The following GABRB3 variants were observed in gnomAD, a reference collection of about 807,000 sequenced individuals.
The protein encoded by GABRB3 is gamma-aminobutyric acid type A receptor subunit beta3, also known as gamma-aminobutyric acid receptor subunit beta-3.
A neutral mutation model predicts 52.1 loss-of-function variants in GABRB3; 14 were observed. That is an observed-to-expected ratio of 0.27 (90% confidence interval 0.18 to 0.42). The LOEUF is 0.42. Among genes scored for constraint, GABRB3 ranks in the 10% least tolerant of loss-of-function variants. GABRB3 has a pLI of 1.00. For missense variants in GABRB3, 307 were observed against 609.1 expected, an observed-to-expected ratio of 0.50 and a Z score of 5.22; for synonymous variants, 260 against 232.3, an observed-to-expected ratio of 1.12 and a Z score of -1.08.
intron 8 of GABRB3, among the ~76,000 whole-genome samples, chr15:26,552,315 T>C (rs558987731): frequency 1.3e-5 from 2 of 152,212 alleles, no homozygotes; most frequent in African/African-American, 4.8e-5. Flanking sequence ...CCTTCTGTTA[T>C]GCATCTGTCC....
chr15:26,652,047 T>C (rs1368445664), intron 3 of GABRB3, among the ~76,000 whole-genome samples: 1 of 152,158 alleles, frequency 6.6e-6, no homozygotes, highest in African/African-American at 2.4e-5. Flanking sequence ...ATCTATTCTC[T>C]CTGAGGGCTG....
At chr15:26,566,366 C>G (rs1268883283) in intron 7 of GABRB3, among the ~76,000 whole-genome samples, 1 of 152,108 alleles carries the variant, frequency 6.6e-6, no homozygotes, top group Non-Finnish European at 1.5e-5. Flanking sequence ...CATATACACA[C>G]ATGTACTTAC....
At chr15:26,597,676 A>C (rs1891444460) in intron 4 of GABRB3, among the ~76,000 whole-genome samples, 1 of 152,238 alleles carries the variant, frequency 6.6e-6, no homozygotes, top group South Asian at 2.1e-4. Flanking sequence ...CATGGAATAG[A>C]AAACCTGCCT....
At chr15:26,619,394 C>G (rs922264081) in intron 4 of GABRB3, among the ~76,000 whole-genome samples, 1 of 151,462 alleles carries the variant, frequency 6.6e-6, no homozygotes, top group Non-Finnish European at 1.5e-5. Context: ...TGGAAATCAT[C>G]ATTCTCAGTA....
chr15:26,647,882 G>A (rs939826759), intron 3 of GABRB3, among the ~76,000 whole-genome samples: 3 of 152,306 alleles, frequency 2.0e-5, no homozygotes, highest in East Asian at 1.9e-4. Flanking sequence ...GAGGAAAAGC[G>A]GTGGCCCACA....
At chr15:26,601,449 C>T (rs1360202581) in intron 4 of GABRB3, among the ~76,000 whole-genome samples, 1 of 151,832 alleles carries the variant, frequency 6.6e-6, no homozygotes, top group Non-Finnish European at 1.5e-5. Flanking sequence ...AGGCATACTA[C>T]TACAGAAAGC....
intron 3 of GABRB3, among the ~76,000 whole-genome samples, chr15:26,726,400 T>A (rs1889771915): frequency 6.6e-6 from 1 of 152,198 alleles, no homozygotes; most frequent in Non-Finnish European, 1.5e-5. Context: ...TATTAACTAA[T>A]TCACAAGTCT....
At chr15:26,615,496 T>C in intron 4 of GABRB3, 1 of 966,276 alleles carries the variant, frequency 1.0e-6, no homozygotes, top group Non-Finnish European at 1.2e-6. Flanking sequence ...GAAAAATGGC[T>C]CATGATTTAA....
chr15:26,565,992 G>T (rs1227453849), intron 7 of GABRB3, among the ~76,000 whole-genome samples: 1 of 152,190 alleles, frequency 6.6e-6, no homozygotes, highest in Non-Finnish European at 1.5e-5. Flanking sequence ...CTCTACAAAT[G>T]TATCTTTGAA....
chr15:26,687,360 C>CAT (rs1888438610), intron 3 of GABRB3, among the ~76,000 whole-genome samples: 1 of 152,208 alleles, frequency 6.6e-6, no homozygotes, highest in South Asian at 2.1e-4. Context: ...TATGTTCACT[C>CAT]ATATAAGTAA....
intron 6 of GABRB3, among the ~76,000 whole-genome samples, chr15:26,575,303 G>T (rs1265479194): frequency 1.3e-5 from 2 of 152,204 alleles, no homozygotes; most frequent in Non-Finnish European, 2.9e-5. Flanking sequence ...TTGGCCCTGG[G>T]AGTGAGCACG....
At chr15:26,638,435 T>C (rs1236229792) in intron 3 of GABRB3, among the ~76,000 whole-genome samples, 1 of 152,212 alleles carries the variant, frequency 6.6e-6, no homozygotes, top group Admixed American at 6.5e-5. Flanking sequence ...TGAGCCGTGC[T>C]CCTTCCTTCC....
At chr15:26,773,227 C>T (rs1668705397), upstream of GABRB3, among the ~76,000 whole-genome samples, 1 of 149,902 alleles carries the variant, frequency 6.7e-6, no homozygotes, top group Admixed American at 6.6e-5. Context: ...CCCTGCCCTC[C>T]CCCACGCTCG....
At chr15:26,726,761 C>G (rs1566820528) in intron 3 of GABRB3, among the ~76,000 whole-genome samples, 1 of 152,214 alleles carries the variant, frequency 6.6e-6, no homozygotes, top group African/African-American at 2.4e-5. Flanking sequence ...AAGCTGGTAT[C>G]TGCTGGGTTT....
chr15:26,764,436 G>A (rs903134881), intron 3 of GABRB3, among the ~76,000 whole-genome samples: 57 of 151,924 alleles, frequency 3.8e-4, no homozygotes, highest in African/African-American at 1.3e-3. Context: ...TACCGCACAT[G>A]CCAAAGTTTT....
Position 26,552,020 on chromosome 15 carries a change from T to C in GABRB3, c.1081-3886A>G, listed in dbSNP as rs1889487993. 2.0e-5 allele frequency among the ~76,000 whole-genome samples: 3 copies of C among 152,290 alleles called. No homozygotes were observed. The South Asian group carries it at 6.2e-4, about 32-fold the overall frequency. Reference sequence around the variant, plus strand: ...GGTGAAATTTTGACTTTTTTTTTTTTTTTGAGATAGAGTTTCACTCTTGTT... The same window carrying C: ...GGTGAAATTTTGACTTTTTTTTTTTCTTTGAGATAGAGTTTCACTCTTGTT... On this transcript the variant is annotated intron_variant, in intron 8 of 8. Transcript: ENST00000311550.
chr15:26,733,404 T>C (rs1196440951), intron 3 of GABRB3, among the ~76,000 whole-genome samples: 3 of 152,180 alleles, frequency 2.0e-5, no homozygotes, highest in Admixed American at 2.0e-4. Context: ...GAAATAATTT[T>C]ATTCATGATA....
chr15:26,608,749 G>C (rs1891937279), intron 4 of GABRB3, among the ~76,000 whole-genome samples: 1 of 152,116 alleles, frequency 6.6e-6, no homozygotes, highest in South Asian at 2.1e-4. Context: ...ACTACAATGA[G>C]ATAACATCTA....
intron 4 of GABRB3, chr15:26,612,236 G>T (rs921175158): frequency 2.6e-5 from 4 of 151,932 alleles, no homozygotes; most frequent in African/African-American, 9.7e-5. Flanking sequence ...TCATTGTTCT[G>T]GAAGGTGGAA....
Sources: allele counts gnomAD v4.1 joint callset (sites outside exome capture counted in the v4.1 genomes callset), GRCh38; gene constraint gnomAD v4.1.1; transcripts MANE v1.5; gene names NCBI Gene and HGNC (gene_info 2026-07-23, HGNC 2026-07-21).